DCC: variants seen among roughly 807,000 people sequenced by gnomAD.
DCC encodes the protein DCC netrin 1 receptor.
DCC carries 58 observed loss-of-function variants against 172.5 expected under a neutral mutation model. That is an observed-to-expected ratio of 0.34 (90% CI 0.27 to 0.42). The LOEUF is 0.42. Among genes scored for constraint, DCC ranks in the 10% least tolerant of loss-of-function variants. The pLI is 1.00. For synonymous variants in DCC, 709 were observed against 644.5 expected (o/e 1.10, Z -1.52); for missense variants, 1,740 against 1,791.0 (o/e 0.97, Z 0.51).
chr18:53,156,786 G>A (rs570823667), intron 7 of DCC, among the ~76,000 whole-genome samples: 60 of 152,124 alleles, frequency 3.9e-4, no homozygotes, highest in Non-Finnish European at 7.5e-4. Context: ...TTGTAATACC[G>A]TCTTTTACTT....
chr18:52,841,284 C>CT (rs2038800889), intron 2 of DCC, among the ~76,000 whole-genome samples: 1 of 100,366 alleles, frequency 1.0e-5, no homozygotes, highest in Non-Finnish European at 2.3e-5. Flanking sequence ...TTGTTTTCTG[C>CT]TTAAAAAAAA....
intron 20 of DCC, among the ~76,000 whole-genome samples, chr18:53,413,146 C>A (rs1355711149): frequency 6.6e-6 from 1 of 152,068 alleles, no homozygotes; most frequent in African/African-American, 2.4e-5. Context: ...GAAGGATGCT[C>A]CCAATGGAGT....
intron 1 of DCC, among the ~76,000 whole-genome samples, chr18:52,480,109 G>C (rs962514482): frequency 6.6e-6 from 1 of 152,124 alleles, no homozygotes; most frequent in Admixed American, 6.5e-5. Flanking sequence ...GTGAGTATAA[G>C]AGCTGACATT....
chr18:53,199,024 T>C (rs2055493738), intron 9 of DCC, among the ~76,000 whole-genome samples: 1 of 152,124 alleles, frequency 6.6e-6, no homozygotes, highest in Non-Finnish European at 1.5e-5. Context: ...GCTGAAGCTG[T>C]TAACGGTATT....
At chr18:52,793,318 G>A (rs910817918) in intron 2 of DCC, among the ~76,000 whole-genome samples, 1 of 152,116 alleles carries the variant, frequency 6.6e-6, no homozygotes, top group African/African-American at 2.4e-5. Context: ...GTTCCTGCTG[G>A]CATTCACTTC....
At chr18:52,862,721 A>C (rs1192612558) in intron 2 of DCC, among the ~76,000 whole-genome samples, 1 of 152,102 alleles carries the variant, frequency 6.6e-6, no homozygotes, top group Non-Finnish European at 1.5e-5. Flanking sequence ...TAACTAAAAA[A>C]ATTAAAAAAA....
chr18:53,501,604 G>A (rs870507), intron 27 of DCC, among the ~76,000 whole-genome samples: 130,550 of 152,210 alleles, frequency 0.86, 56,208 homozygotes, highest in Non-Finnish European at 0.88. Context: ...GACCAATTTG[G>A]TAGCAACAAA....
At chr18:52,617,693 G>A (rs190508944) in intron 1 of DCC, among the ~76,000 whole-genome samples, 54 of 151,936 alleles carry the variant, frequency 3.6e-4, no homozygotes, top group African/African-American at 1.1e-3. Flanking sequence ...CTTTCTTACC[G>A]TTCTCTTACT....
intron 21 of DCC, among the ~76,000 whole-genome samples, chr18:53,418,663 G>A (rs1639013427): frequency 6.6e-6 from 1 of 152,052 alleles, no homozygotes; most frequent in African/African-American, 2.4e-5. Context: ...GAGAAAGTGA[G>A]ACCAGTTTTG....
chr18:53,286,852 T>A (rs917508834), intron 12 of DCC, among the ~76,000 whole-genome samples: 1 of 152,194 alleles, frequency 6.6e-6, no homozygotes, highest in African/African-American at 2.4e-5. Context: ...ACAAAAATAT[T>A]TAGAATTTCC....
chr18:53,119,596 G>C (rs1440129012), intron 7 of DCC, among the ~76,000 whole-genome samples: 1 of 151,886 alleles, frequency 6.6e-6, no homozygotes, highest in Non-Finnish European at 1.5e-5. Context: ...CTAGTTGTAA[G>C]TTGACTCAGA....
chr18:53,062,351 C>T lies in DCC; in HGVS notation c.986-954C>T, dbSNP rs117127785. Among the ~76,000 whole-genome samples the T allele has an allele frequency of 2.7e-3, 409 of 152,196 alleles. 1 individual carries two copies. Among genetic ancestry groups the T allele is most frequent in the Non-Finnish European group, 3.7e-3 (254 of 67,970 alleles). ...GCAAAAAATTAGCACTCATCACTCACTGAGCATAACAAAAATGACAAAAAC... is the reference window on the plus strand; with the variant it reads ...GCAAAAAATTAGCACTCATCACTCATTGAGCATAACAAAAATGACAAAAAC... On this transcript the variant is annotated intron_variant, in intron 5 of 28. Transcript: ENST00000442544.
intron 1 of DCC, among the ~76,000 whole-genome samples, chr18:52,383,578 C>A (rs1044932990): frequency 1.3e-5 from 2 of 151,910 alleles, no homozygotes; most frequent in Non-Finnish European, 2.9e-5. Flanking sequence ...AAACTTTCAT[C>A]TTTTATGGCT....
At chr18:52,679,362 G>T (rs1192180791) in intron 1 of DCC, among the ~76,000 whole-genome samples, 1 of 152,022 alleles carries the variant, frequency 6.6e-6, no homozygotes, top group Non-Finnish European at 1.5e-5. Flanking sequence ...TTGATAGTGT[G>T]TTCATTCTAA....
intron 2 of DCC, among the ~76,000 whole-genome samples, chr18:52,780,375 T>C (rs1434260567): frequency 2.0e-5 from 3 of 152,178 alleles, no homozygotes; most frequent in African/African-American, 7.2e-5. Flanking sequence ...TTTTTAGATA[T>C]CTTTCAAAAT....
At chr18:52,581,505 G>A (rs1179621049) in intron 1 of DCC, among the ~76,000 whole-genome samples, 1 of 152,142 alleles carries the variant, frequency 6.6e-6, no homozygotes. Context: ...TGTGGAATGG[G>A]ATTCAATTCA....
At chr18:53,177,174 T>C (rs968427296) in intron 8 of DCC, among the ~76,000 whole-genome samples, 9 of 146,498 alleles carry the variant, frequency 6.1e-5, no homozygotes, top group African/African-American at 2.3e-4. Context: ...CTCTGGGGAC[T>C]GTTGTGGGGT....
chr18:53,251,358 T>C (rs543412675), intron 12 of DCC, among the ~76,000 whole-genome samples: 1 of 152,082 alleles, frequency 6.6e-6, no homozygotes, highest in African/African-American at 2.4e-5. Context: ...CTATTCCACA[T>C]TGGACTCCGC....
At chr18:52,440,297 C>T (rs943192213) in intron 1 of DCC, among the ~76,000 whole-genome samples, 9 of 152,190 alleles carry the variant, frequency 5.9e-5, no homozygotes, top group African/African-American at 1.7e-4. Flanking sequence ...TTCATGCTCA[C>T]GTGCTTCAGA....
Sources: gnomAD v4.1 joint callset for allele counts (sites outside exome capture counted in the v4.1 genomes callset) on GRCh38, gnomAD v4.1.1 for gene constraint, MANE v1.5 for transcripts, NCBI Gene and HGNC (gene_info 2026-07-23, HGNC 2026-07-21) for gene names.